Variants in P2RX5 observed in about 807,000 individuals in gnomAD.
P2RX5 encodes the protein purinergic receptor P2X 5, also known as P2X purinoceptor 5.
A neutral mutation model predicts 54.1 loss-of-function variants in P2RX5; 46 were observed. The ratio of observed to expected loss-of-function variants is 0.85; its 90% CI spans 0.67 to 1.09. P2RX5 has a LOEUF of 1.09. Among genes scored for constraint, P2RX5 ranks in the 50% least tolerant of loss-of-function variants. The probability of loss-of-function intolerance (pLI) is 0.00; values close to 1 mark genes in which losing one functional copy is unlikely to be tolerated. For synonymous variants in P2RX5, 226 were observed against 226.4 expected (o/e 1.00, Z 0.02); for missense variants, 566 against 549.8 (o/e 1.03, Z -0.29).
Position 3,673,628 on chromosome 17 carries a change from G to A in P2RX5, c.*240C>T. 7.0e-7 allele frequency: 1 copy of A among 1,429,338 alleles called. No homozygotes were observed. 88.5% of individuals were successfully genotyped at this position (1,429,338 alleles called of 1,614,324 possible). A position where few individuals can be genotyped will look rare whatever the true frequency, so the allele number is the denominator to read the frequency against. The stretch of plus-strand genomic sequence containing the variant: ...TGCGGGAAGCCAGCCACGGAGAAAG[G>A]AAGAACTGACGGCAGGGGGTGGGGC... On this transcript the variant is annotated 3_prime_UTR_variant, in exon 12 of 12. Transcript: ENST00000225328.
rs758894452 is a variant in P2RX5, at chr17:3,691,026, C to T, written c.290G>A (p.Gly97Glu). Reference protein sequence around the residue: ...DVADYVIPAQGENVFFVVTNL... With the variant: ...DVADYVIPAQEENVFFVVTNL... Reference sequence around the variant, plus strand: ...GGTGACCACAAAAAAGACGTTCTCTCCCTAAGGAACCAGAGAGGCACTGAG... The same window carrying T: ...GGTGACCACAAAAAAGACGTTCTCTTCCTAAGGAACCAGAGAGGCACTGAG... The change falls in exon 3 of 12, where the codon GGA (glycine) becomes GAA (glutamate). Residue 97 changes from glycine to glutamate, a missense_variant and splice_region_variant. Coordinates refer to ENST00000225328, the MANE Select transcript of P2RX5 (RefSeq NM_002561.4). 4 of 1,611,192 alleles carry T rather than the reference C, an allele frequency of 2.5e-6. No individual in the cohort carries two copies. In the South Asian group the frequency reaches 4.4e-5, roughly 18 times the overall value.
At chr17:3,699,882 G>GA (rs2050804780), upstream of P2RX5, among the ~76,000 whole-genome samples, 2 of 28,332 alleles carry the variant, frequency 7.1e-5, no homozygotes, top group African/African-American at 1.8e-4. Flanking sequence ...AGAAAGGAAG[G>GA]AAGGAAGGAA....
At chr17:3,693,733 C>T (rs1040566940) in intron 1 of P2RX5, among the ~76,000 whole-genome samples, 6 of 151,954 alleles carry the variant, frequency 3.9e-5, no homozygotes, top group African/African-American at 1.4e-4. Flanking sequence ...AGCGAAACTC[C>T]ATCTCAAAAA....
chr17:3,681,295 C>T (rs944942092), intron 10 of P2RX5, among the ~76,000 whole-genome samples: 1 of 152,138 alleles, frequency 6.6e-6, no homozygotes, highest in Non-Finnish European at 1.5e-5. Flanking sequence ...GTCCCAATTC[C>T]CATTCTGATC....
chr17:3,719,408 A>C, the P2RX5 span, among the ~76,000 whole-genome samples: 3 of 152,266 alleles, frequency 2.0e-5, no homozygotes, highest in East Asian at 1.9e-4. Flanking sequence ...CATTCCCTCT[A>C]GTAGAGAATC....
At chr17:3,697,388 G>A (rs1486241208), upstream of P2RX5, among the ~76,000 whole-genome samples, 3 of 152,108 alleles carry the variant, frequency 2.0e-5, no homozygotes, top group Non-Finnish European at 4.4e-5. Flanking sequence ...AAAGACGCAG[G>A]GCCCTGGGTG....
chr17:3,681,431 C>T (rs1204911004), intron 10 of P2RX5, among the ~76,000 whole-genome samples: 1 of 152,162 alleles, frequency 6.6e-6, no homozygotes, highest in Non-Finnish European at 1.5e-5. Flanking sequence ...CACACCCCAC[C>T]GAACCCAGGG....
the P2RX5 span, among the ~76,000 whole-genome samples, chr17:3,701,696 G>GAAAAAAAA: frequency 3.5e-4 from 26 of 73,394 alleles, no homozygotes; most frequent in African/African-American, 1.4e-3. Context: ...CTCTGTCTCA[G>GAAAAAAAA]AAAAAAAAAA....
At chr17:3,677,838 C>G (rs2050139129) in intron 11 of P2RX5, 3 of 985,298 alleles carry the variant, frequency 3.0e-6, no homozygotes, top group Non-Finnish European at 3.6e-6. Context: ...TGGCCTGTCC[C>G]TTTCCCTGGA....
At chr17:3,685,176 T>C (rs1400113817) in intron 9 of P2RX5, among the ~76,000 whole-genome samples, 3 of 152,054 alleles carry the variant, frequency 2.0e-5, no homozygotes, top group Non-Finnish European at 4.4e-5. Context: ...GAAGTAGAGA[T>C]AGAGACTTTA....
At chr17:3,691,104 A>G (rs2050604608) in intron 2 of P2RX5, 77 bp from the exon 3 acceptor site, 1 of 1,097,102 alleles carries the variant, frequency 9.1e-7, no homozygotes, top group Admixed American at 1.9e-5. Context: ...GTTACCTGAA[A>G]GAGGGCGGTC....
chr17:3,715,421 A>C, the P2RX5 span, among the ~76,000 whole-genome samples: 1 of 152,210 alleles, frequency 6.6e-6, no homozygotes. Flanking sequence ...AGAAGCCAGC[A>C]CAGAGGACTC....
At chr17:3,710,433 A>G in the P2RX5 span, among the ~76,000 whole-genome samples, 4 of 151,824 alleles carry the variant, frequency 2.6e-5, no homozygotes, top group Non-Finnish European at 4.4e-5. Flanking sequence ...TCTCAAATAA[A>G]TAAATAAATA....
chr17:3,716,678 T>C, the P2RX5 span: 2 of 1,504,504 alleles, frequency 1.3e-6, no homozygotes, highest in Non-Finnish European at 1.9e-6. Context: ...ATGCCATGAG[T>C]AGAACTGACC....
the P2RX5 span, among the ~76,000 whole-genome samples, chr17:3,703,347 A>C: frequency 2.0e-5 from 3 of 152,068 alleles, no homozygotes; most frequent in Admixed American, 6.6e-5. Flanking sequence ...TTCTACCTAA[A>C]AAAACAAAAC....
chr17:3,707,525 CAT>C, the P2RX5 span, among the ~76,000 whole-genome samples: 1 of 152,176 alleles, frequency 6.6e-6, no homozygotes, highest in African/African-American at 2.4e-5. Context: ...TGTTTTCTCT[CAT>C]TCATCCCAGC....
At chr17:3,688,867 C>T (rs989207688) in intron 7 of P2RX5, 108 bp from the exon 8 acceptor site, 12 of 1,285,296 alleles carry the variant, frequency 9.3e-6, no homozygotes, top group African/African-American at 1.5e-5. Context: ...TGCTCAGGCA[C>T]GAGGTCAGCC....
At chr17:3,693,018 G>A (rs182267137) in intron 1 of P2RX5, among the ~76,000 whole-genome samples, 4 of 151,556 alleles carry the variant, frequency 2.6e-5, no homozygotes, top group African/African-American at 9.7e-5. Flanking sequence ...AAATAATGTA[G>A]CTGGTAAGGG....
At chr17:3,702,290 A>T in the P2RX5 span, among the ~76,000 whole-genome samples, 3 of 152,194 alleles carry the variant, frequency 2.0e-5, no homozygotes. Context: ...AAAGCGCACC[A>T]ATCAGCATTC....
Sources: allele counts gnomAD v4.1 joint callset (sites outside exome capture counted in the v4.1 genomes callset), GRCh38; gene constraint gnomAD v4.1.1; transcripts MANE v1.5; gene names NCBI Gene and HGNC (gene_info 2026-07-23, HGNC 2026-07-21).